Variants in IQSEC3 observed in about 807,000 individuals in gnomAD.
IQSEC3 encodes IQ motif and Sec7 domain ArfGEF 3, also known as IQ motif and SEC7 domain-containing protein 3.
IQSEC3 carries 50 observed loss-of-function variants against 105.4 expected under a neutral mutation model. The ratio of observed to expected loss-of-function variants is 0.47; its 90% CI spans 0.38 to 0.60. IQSEC3 has a LOEUF of 0.60. Among genes scored for constraint, IQSEC3 ranks in the 20% least tolerant of loss-of-function variants. The pLI, the probability that IQSEC3 is intolerant of heterozygous loss-of-function variation, is 0.00. For missense variants in IQSEC3, 1,415 were observed against 1,630.0 expected, an observed-to-expected ratio of 0.87 and a Z score of 2.27; for synonymous variants, 708 against 746.0, an observed-to-expected ratio of 0.95 and a Z score of 0.83.
At chr12:82,603 A>G (rs1555070977) in intron 1 of IQSEC3, among the ~76,000 whole-genome samples, 1 of 152,210 alleles carries the variant, frequency 6.6e-6, no homozygotes, top group South Asian at 2.1e-4. Context: ...GAATGACTAC[A>G]TCACTCCTGG....
intron 1 of IQSEC3, among the ~76,000 whole-genome samples, chr12:74,090 T>C (rs1477989391): frequency 6.6e-6 from 1 of 152,184 alleles, no homozygotes; most frequent in Non-Finnish European, 1.5e-5. Flanking sequence ...CAGTCTCATC[T>C]AGGAGAAGGT....
chr12:138,532 C>G lies in IQSEC3; in HGVS notation c.1169C>G (p.Thr390Ser). 1 of 1,578,724 alleles carries G rather than the reference C, an allele frequency of 6.3e-7. No individual in the cohort carries two copies. Among genetic ancestry groups the G allele is most frequent in the South Asian group, 1.1e-5 (1 of 88,078 alleles). ...GTGCGCTCGCCCTCCCTGCCGCCCA[C>G]CTTCGCAGGCACCCTCACCGAGCTG... ...PLVRSPSLPP[T>S]FAGTLTELED... Residue 390 changes from threonine to serine, a missense_variant, in exon 4 of 14, where the codon ACC becomes AGC. This residue lies in a region of IQSEC3 where 720 missense variants were observed against 633.0 expected (regional missense o/e 1.14). Transcript: ENST00000538872. The surrounding 1 kb of genome is among the most constrained non-coding windows in gnomAD (Gnocchi z 7.1).
At chr12:154,887 T>C (rs1866634107) in intron 5 of IQSEC3, among the ~76,000 whole-genome samples, 1 of 152,118 alleles carries the variant, frequency 6.6e-6, no homozygotes, top group African/African-American at 2.4e-5. Flanking sequence ...CCTTGCTCTC[T>C]GTCGAATTAG....
chr12:78,569 T>C (rs1407616353), intron 1 of IQSEC3, among the ~76,000 whole-genome samples: 2 of 152,198 alleles, frequency 1.3e-5, no homozygotes, highest in African/African-American at 4.8e-5. Context: ...TATGTTTGTG[T>C]TTTATCGCAT....
Position 175,226 on chromosome 12 carries a change from C to T in IQSEC3, c.*193C>T, listed in dbSNP as rs1413806310. 5.3e-6 allele frequency: 3 copies of T among 565,750 alleles called. No homozygotes were observed. Among genetic ancestry groups the T allele is most frequent in the East Asian group, 2.9e-5 (1 of 34,748 alleles). The allele number at this position is 565,750 out of a possible 1,614,324, so 35.0% of individuals were successfully genotyped here. A position where few individuals can be genotyped will look rare whatever the true frequency, so the allele number is the denominator to read the frequency against. On this transcript the variant is annotated 3_prime_UTR_variant, in exon 14 of 14. Transcript: ENST00000538872. ...TCCTTCCCTTTCTCAGCTGCACCCCCTCTGCAGATCTGAAGACACACCTCA... is the reference window on the plus strand; with the variant it reads ...TCCTTCCCTTTCTCAGCTGCACCCCTTCTGCAGATCTGAAGACACACCTCA...
chr12:88,929 G>T (rs1197656004), intron 1 of IQSEC3, among the ~76,000 whole-genome samples: 1 of 152,172 alleles, frequency 6.6e-6, no homozygotes, highest in East Asian at 1.9e-4. Flanking sequence ...TTGCATTTGT[G>T]CAGGGTTTAT....
chr12:145,553 G>A (rs1270049145), intron 5 of IQSEC3, among the ~76,000 whole-genome samples: 1 of 152,246 alleles, frequency 6.6e-6, no homozygotes, highest in Non-Finnish European at 1.5e-5. Context: ...CTACTAGGCA[G>A]ACAATGAGAA....
Position 141,571 on chromosome 12 carries a change from T to C in IQSEC3, c.2153+286T>C, listed in dbSNP as rs1866029981. On this transcript the variant is annotated intron_variant, in intron 5 of 13. Coordinates refer to ENST00000538872, the MANE Select transcript of IQSEC3 (RefSeq NM_001170738.2). ...ACAAAAAGCCCTTTCTGCCTGTCAC[T>C]CTCCAGGGCAAGAGAAACCAGGAAA... 1.9e-5 allele frequency: 7 copies of C among 377,326 alleles called. No homozygotes were observed. In the East Asian group the frequency reaches 2.8e-4, roughly 15 times the overall value. 23.4% of individuals were successfully genotyped at this position (377,326 alleles called of 1,614,324 possible). A position where few individuals can be genotyped will look rare whatever the true frequency, so the allele number is the denominator to read the frequency against.
At position 165,725 on chromosome 12, in the gene IQSEC3, C is replaced by A; in HGVS notation, c.2810-4C>A. ...CCACTGGGGGCCTGGGGTCTGCTTTCCAGATTACTCTCATGGCATCACACT... is the reference window on the plus strand; with the variant it reads ...CCACTGGGGGCCTGGGGTCTGCTTTACAGATTACTCTCATGGCATCACACT... On this transcript the variant is annotated splice_region_variant and splice_polypyrimidine_tract_variant and intron_variant, in intron 10 of 13. Transcript: ENST00000538872. 6.2e-7 allele frequency: 1 copy of A among 1,613,412 alleles called. No individual in the cohort carries two copies. The highest frequency in any genetic ancestry group is 8.5e-7 in the Non-Finnish European group (1 of 1,179,774).
intron 3 of IQSEC3, 28 bp downstream of exon 3, chr12:125,940 G>T (rs1555083331): frequency 1.3e-6 from 2 of 1,524,500 alleles, no homozygotes; most frequent in South Asian, 1.2e-5. Context: ...GGGGGGCGGG[G>T]AGGGTGGTGA....
chr12:120,664 T>C (rs977596168), intron 2 of IQSEC3, among the ~76,000 whole-genome samples: 2 of 152,206 alleles, frequency 1.3e-5, no homozygotes, highest in African/African-American at 2.4e-5. Context: ...ACACAGGTCA[T>C]TCTGCTCTTT....
At chr12:155,724 C>T (rs561446323) in intron 5 of IQSEC3, among the ~76,000 whole-genome samples, 3 of 152,250 alleles carry the variant, frequency 2.0e-5, no homozygotes, top group South Asian at 4.2e-4. Context: ...CACAGGGCCA[C>T]TCAGCAGGCG....
At chr12:95,460 T>C (rs1864216605) in intron 1 of IQSEC3, among the ~76,000 whole-genome samples, 1 of 152,206 alleles carries the variant, frequency 6.6e-6, no homozygotes, top group African/African-American at 2.4e-5. Context: ...AGCTCTTATC[T>C]AGGTTCATAT....
chr12:171,548 G>C (rs1240965404), intron 13 of IQSEC3: 1 of 589,514 alleles, frequency 1.7e-6, no homozygotes, highest in Non-Finnish European at 3.0e-6. Context: ...CCCACATCCC[G>C]TTCCCCAAGT....
chr12:91,301 C>G (rs73032202), intron 1 of IQSEC3, among the ~76,000 whole-genome samples: 3,382 of 152,304 alleles, frequency 0.022, 54 homozygotes, highest in Non-Finnish European at 0.034. Flanking sequence ...AACCCTGAGT[C>G]TGACACTAAA....
At chr12:135,478 C>A (rs151132646) in intron 3 of IQSEC3, among the ~76,000 whole-genome samples, 1 of 152,224 alleles carries the variant, frequency 6.6e-6, no homozygotes, top group Non-Finnish European at 1.5e-5. Context: ...GGGCAAAATT[C>A]TCAGATGGCC....
intron 2 of IQSEC3, among the ~76,000 whole-genome samples, chr12:116,200 G>A (rs1865042645): frequency 3.3e-5 from 5 of 152,160 alleles, no homozygotes; most frequent in Admixed American, 2.6e-4. Context: ...GAGTTTAAGC[G>A]ACTTGCCCAA....
At chr12:160,663 G>A (rs1232136731) in intron 7 of IQSEC3, among the ~76,000 whole-genome samples, 6 of 152,048 alleles carry the variant, frequency 3.9e-5, no homozygotes, top group Non-Finnish European at 5.9e-5. Context: ...TTTCTAACCC[G>A]TTTTCAACCT....
chr12:83,084 G>A (rs1863799973), intron 1 of IQSEC3, among the ~76,000 whole-genome samples: 1 of 152,216 alleles, frequency 6.6e-6, no homozygotes, highest in South Asian at 2.1e-4. Context: ...CACCGGTGCT[G>A]TGGGTAATTA....
Sources: gnomAD v4.1 joint callset for allele counts (sites outside exome capture counted in the v4.1 genomes callset) on GRCh38, gnomAD v4.1.1 for gene constraint, gnomAD v4.1.1 regional missense constraint, Gnocchi (gnomAD v3.1) non-coding constraint, MANE v1.5 for transcripts, NCBI Gene and HGNC (gene_info 2026-07-23, HGNC 2026-07-21) for gene names.